The following LAMA2 variants were observed in gnomAD, a reference collection of about 807,000 sequenced individuals.
LAMA2 encodes the protein laminin subunit alpha 2, also known as laminin subunit alpha-2.
LAMA2 carries 269 observed loss-of-function variants against 364.8 expected under a neutral mutation model. The observed-to-expected ratio is 0.74, with a 90% CI of 0.67 to 0.82. The LOEUF (loss-of-function observed/expected upper bound fraction) is 0.82, where lower values mean the gene tolerates loss of function less well. LAMA2 is among the 40% of genes least tolerant of loss of function. The probability of loss-of-function intolerance (pLI) is 0.00; values close to 1 mark genes in which losing one functional copy is unlikely to be tolerated. For synonymous variants in LAMA2, 1,379 were observed against 1,370.6 expected, an observed-to-expected ratio of 1.01 and a Z score of -0.14; for missense variants, 3,807 against 3,873.2, an observed-to-expected ratio of 0.98 and a Z score of 0.45.
chr6:129,417,982 A>G (rs1425596553), intron 40 of LAMA2, among the ~76,000 whole-genome samples: 1 of 152,124 alleles, frequency 6.6e-6, no homozygotes, highest in African/African-American at 2.4e-5. Flanking sequence ...GGGTGGCTGC[A>G]GCTGCACCCA....
intron 47 of LAMA2, among the ~76,000 whole-genome samples, chr6:129,454,549 C>A (rs1782858394): frequency 6.6e-6 from 1 of 152,066 alleles, no homozygotes; most frequent in South Asian, 2.1e-4. Context: ...TTGGGGGTGT[C>A]GCTGTTTCAG....
chr6:129,356,090 G>A (rs577470874), intron 32 of LAMA2, among the ~76,000 whole-genome samples: 1 of 152,208 alleles, frequency 6.6e-6, no homozygotes, highest in Admixed American at 6.5e-5. Flanking sequence ...GATACTTATA[G>A]CTTCCAGGGA....
intron 17 of LAMA2, among the ~76,000 whole-genome samples, chr6:129,271,500 C>T (rs969943998): frequency 2.9e-5 from 4 of 135,700 alleles, no homozygotes; most frequent in East Asian, 2.2e-4. Flanking sequence ...GACAGAGTCT[C>T]GCTCTGTTGC....
chr6:129,039,857 T>C (rs1323318580), intron 1 of LAMA2, among the ~76,000 whole-genome samples: 1 of 152,194 alleles, frequency 6.6e-6, no homozygotes, highest in East Asian at 1.9e-4. Context: ...AATGCTTGTT[T>C]GCCAGCCACT....
chr6:129,398,018 G>T (rs1481966620), intron 37 of LAMA2, among the ~76,000 whole-genome samples: 1 of 150,090 alleles, frequency 6.7e-6, no homozygotes, highest in Non-Finnish European at 1.5e-5. Flanking sequence ...AGCACATTTT[G>T]ATCTTTGCTT....
intron 40 of LAMA2, among the ~76,000 whole-genome samples, chr6:129,427,535 G>C (rs1246999797): frequency 6.6e-6 from 1 of 152,078 alleles, no homozygotes; most frequent in Admixed American, 6.5e-5. Flanking sequence ...CCTAAACATT[G>C]AAGTTCCTAA....
Position 128,943,472 on chromosome 6 carries a change from T to G in LAMA2, c.112+60115T>G, listed in dbSNP as rs1468668684. On this transcript the variant is annotated intron_variant, in intron 1 of 64. Transcript: ENST00000421865. Reference sequence around the variant, plus strand: ...TTAGTTATTGTACTTTTTTTTTTTTTGAAGAGACAGGGTTTTGCTGTGTTG... The same window carrying G: ...TTAGTTATTGTACTTTTTTTTTTTTGGAAGAGACAGGGTTTTGCTGTGTTG... Among the ~76,000 whole-genome samples, 3 of 150,610 alleles carry G rather than the reference T, an allele frequency of 2.0e-5. No homozygotes were observed. In the South Asian group the frequency reaches 6.3e-4, roughly 32 times the overall value.
At chr6:129,297,272 A>G (rs1377163366) in intron 20 of LAMA2, among the ~76,000 whole-genome samples, 8 of 152,200 alleles carry the variant, frequency 5.3e-5, no homozygotes, top group Non-Finnish European at 1.2e-4. Context: ...TGTTGAAAGT[A>G]TTTTTACCAA....
chr6:129,125,237 T>A (rs1303125013), intron 4 of LAMA2, among the ~76,000 whole-genome samples: 2 of 152,080 alleles, frequency 1.3e-5, no homozygotes, highest in African/African-American at 2.4e-5. Flanking sequence ...CAGAGAAGAA[T>A]AGGAGTTCAG....
chr6:129,447,837 A>G (rs1255772186), intron 45 of LAMA2, among the ~76,000 whole-genome samples: 1 of 152,270 alleles, frequency 6.6e-6, no homozygotes, highest in East Asian at 1.9e-4. Flanking sequence ...TGAATCTCAC[A>G]TTTAGCCACA....
rs548658395 is a variant in LAMA2 at position 128,914,972 on chromosome 6, G to A, written c.112+31615G>A. 6.6e-5 allele frequency among the ~76,000 whole-genome samples: 10 copies of A among 152,150 alleles called. No individual in the cohort carries two copies. In the South Asian group the frequency reaches 2.1e-3, roughly 32 times the overall value. ...TCTTCAAAAATGCTTTATACTTCAT[G>A]TATATTACTGATTTTAAGTAAAAGT... On this transcript the variant is annotated intron_variant, in intron 1 of 64. Coordinates refer to ENST00000421865, the MANE Select transcript of LAMA2 (RefSeq NM_000426.4).
At chr6:129,092,981 A>G (rs1774933731) in intron 3 of LAMA2, among the ~76,000 whole-genome samples, 2 of 152,144 alleles carry the variant, frequency 1.3e-5, no homozygotes, top group East Asian at 3.9e-4. Flanking sequence ...AGCATTTCTT[A>G]GATTTGTGAT....
intron 29 of LAMA2, among the ~76,000 whole-genome samples, chr6:129,334,767 C>T (rs1775850659): frequency 6.6e-6 from 1 of 152,104 alleles, no homozygotes; most frequent in Non-Finnish European, 1.5e-5. Context: ...TAGCTGACCC[C>T]TTCTTTCTTT....
chr6:129,141,899 T>C (rs1476527800), intron 4 of LAMA2, among the ~76,000 whole-genome samples: 1 of 152,050 alleles, frequency 6.6e-6, no homozygotes, highest in Non-Finnish European at 1.5e-5. Context: ...TGTGTATGTG[T>C]ATTTTCAGTT....
At chr6:128,912,109 G>A (rs1246293260) in intron 1 of LAMA2, among the ~76,000 whole-genome samples, 1 of 152,160 alleles carries the variant, frequency 6.6e-6, no homozygotes, top group Non-Finnish European at 1.5e-5. Flanking sequence ...TACAAGTCAT[G>A]TACAAGCTTT....
intron 12 of LAMA2, among the ~76,000 whole-genome samples, chr6:129,200,310 A>G (rs2115050083): frequency 6.7e-6 from 1 of 149,776 alleles, no homozygotes; most frequent in South Asian, 2.1e-4. Context: ...ATGTGTGTAT[A>G]TATATACGTG....
chr6:129,256,950 C>T (rs1012756825), intron 14 of LAMA2, among the ~76,000 whole-genome samples: 1 of 151,212 alleles, frequency 6.6e-6, no homozygotes, highest in Non-Finnish European at 1.5e-5. Flanking sequence ...ATCTTTAAGG[C>T]AGCACCAAGA....
In LAMA2 at chr6:129,426,529, C is replaced by T. The variant is rs566925279; in HGVS notation, c.5866-1223C>T. On this transcript the variant is annotated intron_variant, in intron 40 of 64. Transcript: ENST00000421865. ...TTACTGTATCTAATTCCCAAGAGAACTGTAGCAATGAGAATTCCTGTTTTT... is the reference window on the plus strand; with the variant it reads ...TTACTGTATCTAATTCCCAAGAGAATTGTAGCAATGAGAATTCCTGTTTTT... 5.3e-5 allele frequency among the ~76,000 whole-genome samples: 8 copies of T among 151,858 alleles called. No homozygotes were observed. The South Asian group carries it at 1.2e-3, about 24-fold the overall frequency.
intron 18 of LAMA2, 58 bp downstream of exon 18, chr6:129,280,205 G>T (rs528166631): frequency 1.9e-6 from 2 of 1,074,250 alleles, no homozygotes; most frequent in South Asian, 2.5e-5. Flanking sequence ...TTATAAAACC[G>T]CAGATACAAT....
Sources: gnomAD v4.1 joint callset for allele counts (sites outside exome capture counted in the v4.1 genomes callset) on GRCh38, gnomAD v4.1.1 for gene constraint, MANE v1.5 for transcripts, NCBI Gene and HGNC (gene_info 2026-07-23, HGNC 2026-07-21) for gene names.